Variants in COL19A1 observed in about 807,000 individuals in gnomAD.
COL19A1 encodes collagen type XIX alpha 1 chain.
A neutral mutation model predicts 190.2 loss-of-function variants in COL19A1; 159 were observed. That is an observed-to-expected ratio of 0.84 (90% CI 0.73 to 0.95). The LOEUF (loss-of-function observed/expected upper bound fraction) is 0.95, where lower values mean the gene tolerates loss of function less well. Ranked by LOEUF, COL19A1 falls within the 40% of genes least tolerant of loss-of-function variation. COL19A1 has a pLI of 0.00. For missense variants in COL19A1, 1,418 were observed against 1,431.9 expected, an observed-to-expected ratio of 0.99 and a Z score of 0.16; for synonymous variants, 509 against 458.9, an observed-to-expected ratio of 1.11 and a Z score of -1.39.
intron 42 of COL19A1, among the ~76,000 whole-genome samples, chr6:70,177,517 C>A (rs552768003): frequency 5.9e-5 from 9 of 152,310 alleles, no homozygotes; most frequent in African/African-American, 2.2e-4. Context: ...CTGCATCCTT[C>A]GTAGATGATG....
At chr6:69,927,207 A>G (rs1334750305) in intron 4 of COL19A1, among the ~76,000 whole-genome samples, 1 of 152,190 alleles carries the variant, frequency 6.6e-6, no homozygotes, top group Non-Finnish European at 1.5e-5. Context: ...AGATAAATAT[A>G]AAAGCCAGAA....
chr6:70,169,675 G>C (rs1765386394), intron 40 of COL19A1, among the ~76,000 whole-genome samples: 1 of 152,128 alleles, frequency 6.6e-6, no homozygotes, highest in Non-Finnish European at 1.5e-5. Flanking sequence ...ATCATATTCT[G>C]TAATTCAGTT....
At chr6:70,044,380 G>A (rs908802027) in intron 14 of COL19A1, among the ~76,000 whole-genome samples, 1 of 152,136 alleles carries the variant, frequency 6.6e-6, no homozygotes, top group Non-Finnish European at 1.5e-5. Context: ...TCACAAGTTG[G>A]TTGTTTGTCT....
chr6:70,018,168 T>C (rs887568110), intron 11 of COL19A1, among the ~76,000 whole-genome samples: 2 of 152,102 alleles, frequency 1.3e-5, no homozygotes, highest in African/African-American at 4.8e-5. Flanking sequence ...GGTTGAAAGA[T>C]TACCATTAAA....
At chr6:70,028,868 C>A (rs892859450) in intron 12 of COL19A1, among the ~76,000 whole-genome samples, 2 of 152,058 alleles carry the variant, frequency 1.3e-5, no homozygotes, top group Admixed American at 6.6e-5. Flanking sequence ...TAAACATTCA[C>A]TATTATTAGA....
intron 2 of COL19A1, among the ~76,000 whole-genome samples, chr6:69,896,527 G>A: frequency 9.1e-6 from 1 of 110,396 alleles, no homozygotes; most frequent in Non-Finnish European, 1.6e-5. Context: ...CTGGGCGACA[G>A]AGCGAGACTC....
At chr6:70,100,640 A>G (rs1046486693) in intron 15 of COL19A1, among the ~76,000 whole-genome samples, 1 of 150,060 alleles carries the variant, frequency 6.7e-6, no homozygotes, top group South Asian at 2.1e-4. Flanking sequence ...TTACAGGCAC[A>G]TACCACCATG....
At chr6:69,981,642 T>C (rs1562056851) in intron 11 of COL19A1, among the ~76,000 whole-genome samples, 2 of 151,806 alleles carry the variant, frequency 1.3e-5, no homozygotes, top group Admixed American at 6.6e-5. Context: ...TTACATTATA[T>C]TATATATATT....
chr6:69,937,885 T>C (rs746165798), intron 8 of COL19A1, among the ~76,000 whole-genome samples, 153 bp from the exon 9 acceptor site: 6 of 152,106 alleles, frequency 3.9e-5, no homozygotes, highest in Non-Finnish European at 8.8e-5. Flanking sequence ...CCTTTTTCCC[T>C]TGTTCACGTG....
chr6:69,990,483 T>C (rs956392392), intron 11 of COL19A1, among the ~76,000 whole-genome samples: 2 of 152,050 alleles, frequency 1.3e-5, no homozygotes, highest in African/African-American at 4.8e-5. Flanking sequence ...CACATTCTAG[T>C]TGGTTGCTGT....
At chr6:69,934,283 A>G (rs781100928) in intron 7 of COL19A1, among the ~76,000 whole-genome samples, 14 of 152,152 alleles carry the variant, frequency 9.2e-5, no homozygotes, top group Non-Finnish European at 1.9e-4. Context: ...AAGATAATTT[A>G]GAATGCCAAT....
intron 14 of COL19A1, among the ~76,000 whole-genome samples, chr6:70,040,847 A>T (rs903616012): frequency 1.3e-5 from 2 of 152,224 alleles, no homozygotes; most frequent in African/African-American, 4.8e-5. Flanking sequence ...ACTTTTTGAT[A>T]TGACGTTAAT....
intron 4 of COL19A1, among the ~76,000 whole-genome samples, chr6:69,922,712 C>T (rs182713067): frequency 1.3e-5 from 2 of 152,140 alleles, no homozygotes; most frequent in South Asian, 2.1e-4. Context: ...AACTCCTGAC[C>T]TCAAGTGATC....
intron 16 of COL19A1, among the ~76,000 whole-genome samples, chr6:70,116,502 T>C (rs1364637538): frequency 2.0e-5 from 3 of 152,200 alleles, no homozygotes; most frequent in Non-Finnish European, 4.4e-5. Flanking sequence ...CTATACTCAA[T>C]GTAAATGTGC....
At chr6:69,928,105 G>A in intron 5 of COL19A1, 73 bp downstream of exon 5, 1 of 1,561,768 alleles carries the variant, frequency 6.4e-7, no homozygotes, top group African/African-American at 1.4e-5. Flanking sequence ...TTGAACTGGT[G>A]CACAAATTTG....
At chr6:69,985,264 T>C (rs953333469) in intron 11 of COL19A1, among the ~76,000 whole-genome samples, 1 of 152,208 alleles carries the variant, frequency 6.6e-6, no homozygotes, top group Non-Finnish European at 1.5e-5. Flanking sequence ...AGTGAGGTAC[T>C]AACTTTCAGA....
intron 33 of COL19A1, 149 bp from the exon 34 acceptor site, chr6:70,156,521 T>C (rs1348287652): frequency 6.8e-6 from 7 of 1,027,010 alleles, no homozygotes; most frequent in African/African-American, 1.6e-5. Flanking sequence ...GAGAAAGTGA[T>C]GTAAAAGTCA....
At chr6:70,174,754 A>G (rs1326475426) in intron 41 of COL19A1, among the ~76,000 whole-genome samples, 1 of 152,142 alleles carries the variant, frequency 6.6e-6, no homozygotes, top group African/African-American at 2.4e-5. Flanking sequence ...CTAACAAGTA[A>G]CCATGGAATT....
chr6:70,156,213 T>A lies in COL19A1; in HGVS notation c.2166T>A (p.Tyr722Ter). ...GAGGTGCTGGTGAGCCTGGAAAGTA[T>A]GATTCCATGGCCCGGAAGGTGAGAA... ...EEGGAGEPGKYDSMARKGDIG... is the reference protein window; with the variant it reads ...EEGGAGEPGK Residue 722 changes from tyrosine to a stop codon, truncating the protein, a stop_gained, in exon 32 of 51, where the codon TAT (tyrosine) becomes TAA (stop). Coordinates refer to ENST00000620364, the MANE Select transcript of COL19A1 (RefSeq NM_001858.6). LOFTEE classifies it high-confidence loss of function. The A allele has an allele frequency of 6.2e-7, 1 of 1,613,358 alleles. No individual in the cohort carries two copies. The highest frequency in any genetic ancestry group is 8.5e-7 in the Non-Finnish European group (1 of 1,179,584).
Sources: allele counts gnomAD v4.1 joint callset (sites outside exome capture counted in the v4.1 genomes callset), GRCh38; gene constraint gnomAD v4.1.1; transcripts MANE v1.5; gene names NCBI Gene and HGNC (gene_info 2026-07-23, HGNC 2026-07-21).